SMARCA2: variants seen among roughly 807,000 people sequenced by gnomAD.
SMARCA2 encodes SWI/SNF related BAF chromatin remodeling complex subunit ATPase 2.
SMARCA2 carries 61 observed loss-of-function variants against 199.8 expected under a neutral mutation model. That is an observed-to-expected ratio of 0.31 (90% confidence interval 0.25 to 0.38). The LOEUF is 0.38. SMARCA2 is among the 10% of genes least tolerant of loss of function. The probability of loss-of-function intolerance (pLI) is 1.00; values close to 1 mark genes in which losing one functional copy is unlikely to be tolerated. For synonymous variants in SMARCA2, 935 were observed against 732.0 expected, an observed-to-expected ratio of 1.28 and a Z score of -4.48; for missense variants, 1,344 against 2,012.2, an observed-to-expected ratio of 0.67 and a Z score of 6.35.
At chr9:2,077,411 C>T (rs564689494) in intron 13 of SMARCA2, among the ~76,000 whole-genome samples, 1 of 152,154 alleles carries the variant, frequency 6.6e-6, no homozygotes, top group Non-Finnish European at 1.5e-5. Context: ...CTCGGGTTCT[C>T]CACCTGCATA....
chr9:2,154,428 C>A (rs1345942683), intron 27 of SMARCA2, among the ~76,000 whole-genome samples: 1 of 152,178 alleles, frequency 6.6e-6, no homozygotes, highest in Non-Finnish European at 1.5e-5. Flanking sequence ...GCTTTATTTA[C>A]GTGTTTTCCT....
chr9:2,107,946 A>AGGTTTAGG (rs1175556332), intron 23 of SMARCA2, among the ~76,000 whole-genome samples: 5 of 152,166 alleles, frequency 3.3e-5, no homozygotes, highest in African/African-American at 4.8e-5. Context: ...CCTGAAGATA[A>AGGTTTAGG]GGTTTAGGGA....
At chr9:2,190,728 G>T (rs1827820348) in intron 32 of SMARCA2, among the ~76,000 whole-genome samples, 1 of 152,146 alleles carries the variant, frequency 6.6e-6, no homozygotes, top group Non-Finnish European at 1.5e-5. Context: ...TATAGGGAAA[G>T]AGACTAGGAA....
intron 5 of SMARCA2, 151 bp from the exon 6 acceptor site, chr9:2,054,446 A>G: frequency 1.1e-6 from 1 of 930,334 alleles, no homozygotes. Flanking sequence ...CTTAACATCA[A>G]AAATTCTAGT....
At chr9:2,040,765 G>T (rs979105554) in intron 4 of SMARCA2, 4 of 152,262 alleles carry the variant, frequency 2.6e-5, no homozygotes. Context: ...CTGAAGCTAT[G>T]ACATTATACA....
In SMARCA2 at chr9:2,087,774, A is replaced by C. The variant is rs1290641223; in HGVS notation, c.2769+703A>C. Among the ~76,000 whole-genome samples, 11 of 152,240 alleles carry C rather than the reference A, an allele frequency of 7.2e-5. 1 individual carries two copies. Among genetic ancestry groups the C allele is most frequent in the Non-Finnish European group, 1.5e-5 (1 of 68,044 alleles). On this transcript the variant is annotated intron_variant, in intron 18 of 33. Coordinates refer to ENST00000349721, the MANE Select transcript of SMARCA2 (RefSeq NM_003070.5). Reference sequence around the variant, plus strand: ...AATGAAAAGCCACTAAAAATGCTTTAGTAAAATTTCGGTTTGAATTATTTG... The same window carrying C: ...AATGAAAAGCCACTAAAAATGCTTTCGTAAAATTTCGGTTTGAATTATTTG...
At chr9:2,183,099 T>C (rs1827172504) in intron 31 of SMARCA2, among the ~76,000 whole-genome samples, 1 of 152,336 alleles carries the variant, frequency 6.6e-6, no homozygotes, top group South Asian at 2.1e-4. Flanking sequence ...CCTCAAAGCT[T>C]ATATTCTAAT....
chr9:2,159,789 C>T, intron 27 of SMARCA2: 2 of 1,599,488 alleles, frequency 1.3e-6, no homozygotes, highest in South Asian at 1.1e-5. Context: ...AGCCTTTCCC[C>T]AGCTCTCTTT....
At chr9:2,066,771 C>G (rs1337622184) in intron 9 of SMARCA2, among the ~76,000 whole-genome samples, 1 of 152,206 alleles carries the variant, frequency 6.6e-6, no homozygotes, top group Non-Finnish European at 1.5e-5. Context: ...CAGATAACTA[C>G]ATATGAAAAT....
At chr9:2,181,493 T>C in intron 29 of SMARCA2, 78 bp from the exon 30 acceptor site, 1 of 773,286 alleles carries the variant, frequency 1.3e-6, no homozygotes, top group Non-Finnish European at 2.3e-6. Flanking sequence ...TTTGTTGACA[T>C]GTTCTGAAAT....
intron 28 of SMARCA2, among the ~76,000 whole-genome samples, chr9:2,168,355 T>G (rs907314636): frequency 6.6e-6 from 1 of 152,210 alleles, no homozygotes; most frequent in Non-Finnish European, 1.5e-5. Flanking sequence ...TCCAAGAATT[T>G]GGTAAACTAC....
chr9:2,073,411 C>T (rs1465806548), intron 11 of SMARCA2, 69 bp downstream of exon 11: 61 of 1,589,726 alleles, frequency 3.8e-5, no homozygotes, highest in Admixed American at 6.9e-5. Context: ...TGTACGATCT[C>T]GAAACTAAAA....
chr9:2,026,667 T>G (rs1360803819), intron 1 of SMARCA2, among the ~76,000 whole-genome samples: 4 of 152,220 alleles, frequency 2.6e-5, no homozygotes, highest in Non-Finnish European at 4.4e-5. Flanking sequence ...TTGAAGCTGA[T>G]TTCAGTGTAA....
In SMARCA2 at chr9:2,170,914, C is replaced by T. The variant is rs767431198; in HGVS notation, c.4253+442C>T. ...AGACATGAAGAAGCGTGCATGTTCA[C>T]GCTGTGTCTGCATTCCAGAGTTGAT... is the stretch of plus-strand genomic sequence containing the variant. On this transcript the variant is annotated intron_variant, in intron 29 of 33. Transcript: ENST00000349721. The surrounding 1 kb of genome is among the most constrained non-coding windows in gnomAD (Gnocchi z 4.7). Among the ~76,000 whole-genome samples the T allele has an allele frequency of 1.5e-4, 23 of 152,188 alleles. No homozygotes were observed. The highest frequency in any genetic ancestry group is 2.2e-4 in the Non-Finnish European group (15 of 68,032).
At position 2,016,323 on chromosome 9, in the gene SMARCA2, G is replaced by C. The variant is rs1040225343; in HGVS notation, c.-37+919G>C. The C allele has an allele frequency of 6.6e-6, 1 of 152,352 alleles. No individual in the cohort carries two copies. The highest frequency in any genetic ancestry group is 1.5e-5 in the Non-Finnish European group (1 of 68,176). The allele number at this position is 152,352 out of a possible 1,614,324, so 9.4% of individuals were successfully genotyped here. On this transcript the variant is annotated intron_variant, in intron 1 of 33. Transcript: ENST00000349721. This position sits in a 1 kb window ranked among gnomAD's most constrained non-coding sequence, Gnocchi z 5.6. ...GCGCAGGCTCGGGTGTTAAAGTTCG[G>C]GATGTCCGGCCCGGGCCGCACTGCT...
intron 4 of SMARCA2, chr9:2,043,086 T>C (rs1819681861): frequency 6.6e-6 from 1 of 152,238 alleles, no homozygotes; most frequent in African/African-American, 2.4e-5. Context: ...CTCCTTTTTA[T>C]AAAATAAATT....
At chr9:2,088,717 G>A in intron 19 of SMARCA2, 104 bp downstream of exon 19, 6 of 767,430 alleles carry the variant, frequency 7.8e-6, no homozygotes, top group Non-Finnish European at 1.3e-5. Context: ...GACTCATATT[G>A]TAGTTAATAG....
chr9:2,185,666 A>G lies in SMARCA2; in HGVS notation c.4462-430A>G, dbSNP rs566642026. 3.9e-5 allele frequency among the ~76,000 whole-genome samples: 6 copies of G among 152,334 alleles called. No individual in the cohort carries two copies. The South Asian group carries it at 1.2e-3, about 32-fold the overall frequency. On this transcript the variant is annotated intron_variant, in intron 31 of 33. Transcript: ENST00000349721. ...CCATTAAAAATAGAGTGTTGATTGGATAAGTGTTGGCTGCTACTGATAAAC... is the reference window on the plus strand; with the variant it reads ...CCATTAAAAATAGAGTGTTGATTGGGTAAGTGTTGGCTGCTACTGATAAAC...
intron 27 of SMARCA2, chr9:2,159,372 T>C (rs537349679): frequency 4.6e-6 from 1 of 219,752 alleles, no homozygotes; most frequent in South Asian, 1.2e-4. Context: ...ACATTGCTTT[T>C]ATTTACATGC....
Sources: gnomAD v4.1 joint callset for allele counts (sites outside exome capture counted in the v4.1 genomes callset) on GRCh38, gnomAD v4.1.1 for gene constraint, Gnocchi (gnomAD v3.1) non-coding constraint, MANE v1.5 for transcripts, NCBI Gene and HGNC (gene_info 2026-07-23, HGNC 2026-07-21) for gene names.